PRDM11: variants seen among roughly 807,000 people sequenced by gnomAD.
The protein encoded by PRDM11 is PR domain-containing protein 11.
In PRDM11, 20 loss-of-function variants were observed where a neutral mutation model predicts 97.8. The observed-to-expected ratio is 0.20, with a 90% CI of 0.14 to 0.30. The LOEUF (loss-of-function observed/expected upper bound fraction) is 0.30. Ranked by LOEUF, PRDM11 falls within the 10% of genes least tolerant of loss-of-function variation. PRDM11 has a pLI of 1.00. For missense variants in PRDM11, 1,139 were observed against 1,555.2 expected (o/e 0.73, Z 4.50); for synonymous variants, 599 against 637.7 (o/e 0.94, Z 0.91).
upstream of PRDM11, among the ~76,000 whole-genome samples, chr11:45,143,094 T>A (rs1851441437): frequency 6.6e-6 from 1 of 152,232 alleles, no homozygotes; most frequent in South Asian, 2.1e-4. Context: ...GCAAGGAAGA[T>A]GCTTGCCAGT....
At position 45,225,687 on chromosome 11, in the gene PRDM11, A is replaced by T. The variant is rs6485602; in HGVS notation, c.1370-308A>T. ...CCATTAGATCTACTCTCCTAGCTTG[A>T]GCTGTCCAGTTGATAGGGGGCATTT... On this transcript the variant is annotated intron_variant, in intron 7 of 7. Transcript: ENST00000683152. 0.9 allele frequency among the ~76,000 whole-genome samples: 137,397 copies of T among 152,216 alleles called. 62,976 individuals are homozygous for T. The highest frequency in any genetic ancestry group is 0.98 in the Non-Finnish European group (66,367 of 68,044).
chr11:45,204,986 T>C (rs555080095), intron 5 of PRDM11, among the ~76,000 whole-genome samples: 3 of 152,214 alleles, frequency 2.0e-5, no homozygotes, highest in African/African-American at 7.2e-5. Context: ...GGTCAGGCCG[T>C]TGGGATGCAG....
intron 1 of PRDM11, among the ~76,000 whole-genome samples, chr11:45,134,126 T>G (rs1852778876): frequency 6.6e-6 from 1 of 152,192 alleles, no homozygotes; most frequent in African/African-American, 2.4e-5. Flanking sequence ...CCAATGGTGA[T>G]TAGGCGAGTC....
At chr11:45,169,458 C>T (rs887263699) in intron 1 of PRDM11, among the ~76,000 whole-genome samples, 2 of 152,214 alleles carry the variant, frequency 1.3e-5, no homozygotes, top group African/African-American at 4.8e-5. Flanking sequence ...ACACACTTAC[C>T]GCTTACTGGC....
intron 3 of PRDM11, 40 bp downstream of exon 3, chr11:45,182,389 C>A: frequency 2.6e-6 from 4 of 1,539,162 alleles, no homozygotes; most frequent in Non-Finnish European, 3.6e-6. Flanking sequence ...CCTCCCTTCA[C>A]CCCCATCGCC....
rs137870483 is a variant in PRDM11, at chr11:45,181,829, G to T, written c.63G>T (p.Thr21=). 1.2e-4 allele frequency: 198 copies of T among 1,613,594 alleles called. No homozygotes were observed. The highest frequency in any genetic ancestry group is 1.5e-4 in the Non-Finnish European group (177 of 1,179,960). Residue 21 remains threonine (T), a synonymous_variant, in exon 2 of 8, where the codon ACG becomes ACT. Transcript: ENST00000683152. ...ATGCAGCCGTGGGGGATATGGTGAC[G>T]GTGGTGAAGACGGAGGTCTGCTCAC... ...QTNAAVGDMV[T]VVKTEVCSPL... is the part of the protein sequence containing the mutation.
chr11:45,146,386 G>T (rs183034822), upstream of PRDM11, among the ~76,000 whole-genome samples: 1 of 152,256 alleles, frequency 6.6e-6, no homozygotes, highest in East Asian at 1.9e-4. Context: ...ATCCCAGTTC[G>T]AAAGTTCTCT....
intron 7 of PRDM11, chr11:45,225,209 G>T: frequency 9.4e-7 from 1 of 1,060,768 alleles, no homozygotes; most frequent in African/African-American, 1.6e-5. Context: ...GTGTCCCACT[G>T]GAGAGATCTC....
chr11:45,137,617 G>A (rs113751072), intron 1 of PRDM11, among the ~76,000 whole-genome samples: 181 of 152,130 alleles, frequency 1.2e-3, no homozygotes, highest in Admixed American at 2.9e-3. Flanking sequence ...GCATGGTGGC[G>A]TGCATCTGTA....
At chr11:45,108,832 A>C (rs1462018212) in intron 1 of PRDM11, among the ~76,000 whole-genome samples, 1 of 152,168 alleles carries the variant, frequency 6.6e-6, no homozygotes, top group Non-Finnish European at 1.5e-5. Context: ...TAACACATGC[A>C]CCCGCAGGCC....
chr11:45,150,235 T>A (rs1027101208), intron 1 of PRDM11, among the ~76,000 whole-genome samples: 3 of 152,150 alleles, frequency 2.0e-5, no homozygotes, highest in Admixed American at 1.3e-4. Flanking sequence ...CATCCCCTCT[T>A]CAGGGAAGCC....
At chr11:45,183,584 A>G (rs1423955358) in intron 4 of PRDM11, among the ~76,000 whole-genome samples, 1 of 152,202 alleles carries the variant, frequency 6.6e-6, no homozygotes, top group Non-Finnish European at 1.5e-5. Context: ...CAGGGAGCAG[A>G]CGATCTGGTA....
In PRDM11 at chr11:45,224,790, C is replaced by T. The variant is rs1444672057; in HGVS notation, c.1316C>T (p.Pro439Leu). Residue 439 changes from proline (P) to leucine (L), a missense_variant, in exon 7 of 8, where the codon CCC (proline) becomes CTC (leucine). By Grantham distance (98) the Pro-to-Leu change is moderately conservative. This residue lies in a region of PRDM11 where 710 missense variants were observed against 1,044.9 expected (regional missense o/e 0.68). Coordinates refer to ENST00000683152, the MANE Select transcript of PRDM11 (RefSeq NM_001384648.1). ...CTTAAGTCTGGGAAACTTCCTGAGC[C>T]CCCCGTATTGCCACCACAGGTACTG... ...DMLKSGKLPE[P>L]PVLPPQVLEL... The T allele has an allele frequency of 1.2e-5, 19 of 1,614,054 alleles. No individual in the cohort carries two copies. Among genetic ancestry groups the T allele is most frequent in the Non-Finnish European group, 1.5e-5 (18 of 1,180,054 alleles).
At chr11:45,209,204 G>T in intron 5 of PRDM11, 1 of 441,140 alleles carries the variant, frequency 2.3e-6, no homozygotes, top group Non-Finnish European at 4.6e-6. Context: ...CGGCCCACGA[G>T]AGGGCCATCA....
At chr11:45,202,623 A>C (rs1345434348) in intron 4 of PRDM11, among the ~76,000 whole-genome samples, 1 of 152,248 alleles carries the variant, frequency 6.6e-6, no homozygotes, top group Non-Finnish European at 1.5e-5. Flanking sequence ...TGTCATAAAA[A>C]TGGGAAGGCT....
intron 1 of PRDM11, among the ~76,000 whole-genome samples, chr11:45,113,001 G>T (rs1852217866): frequency 6.6e-6 from 1 of 151,330 alleles, no homozygotes; most frequent in Non-Finnish European, 1.5e-5. Flanking sequence ...TTTGTTTTGG[G>T]GGTCTTAGTC....
At chr11:45,108,272 G>A (rs543518512) in intron 1 of PRDM11, among the ~76,000 whole-genome samples, 8 of 152,240 alleles carry the variant, frequency 5.3e-5, no homozygotes, top group East Asian at 3.9e-4. Flanking sequence ...AGTGTGACCC[G>A]CTGCCCTGCT....
At chr11:45,139,116 A>G (rs1484831619) in intron 1 of PRDM11, among the ~76,000 whole-genome samples, 3 of 152,214 alleles carry the variant, frequency 2.0e-5, no homozygotes, top group African/African-American at 4.8e-5. Context: ...TAAAACAACA[A>G]TGAGATACAT....
intron 1 of PRDM11, among the ~76,000 whole-genome samples, chr11:45,163,782 T>G (rs1851991280): frequency 6.6e-6 from 1 of 152,216 alleles, no homozygotes; most frequent in Non-Finnish European, 1.5e-5. Context: ...AGACCAATAC[T>G]TCCTCAGCCC....
Sources: gnomAD v4.1 joint callset for allele counts (sites outside exome capture counted in the v4.1 genomes callset) on GRCh38, gnomAD v4.1.1 for gene constraint, gnomAD v4.1.1 regional missense constraint, MANE v1.5 for transcripts, NCBI Gene and HGNC (gene_info 2026-07-23, HGNC 2026-07-21) for gene names.